Variants in SORCS3 observed in about 807,000 individuals in gnomAD.
SORCS3 encodes the protein VPS10 domain-containing receptor SorCS3.
A neutral mutation model predicts 146.3 loss-of-function variants in SORCS3; 57 were observed. That is an observed-to-expected ratio of 0.39 (90% CI 0.31 to 0.49). The LOEUF (loss-of-function observed/expected upper bound fraction) is 0.49, where lower values mean the gene tolerates loss of function less well. Among genes scored for constraint, SORCS3 ranks in the 20% least tolerant of loss-of-function variants. The probability of loss-of-function intolerance (pLI) is 0.92; values close to 1 mark genes in which losing one functional copy is unlikely to be tolerated. For synonymous variants in SORCS3, 653 were observed against 618.5 expected (o/e 1.06, Z -0.83); for missense variants, 1,341 against 1,575.5 (o/e 0.85, Z 2.52).
chr10:104,785,049 G>T (rs1410936427), intron 1 of SORCS3, among the ~76,000 whole-genome samples: 1 of 151,994 alleles, frequency 6.6e-6, no homozygotes, highest in Non-Finnish European at 1.5e-5. Flanking sequence ...CTCACCTCCC[G>T]GATGGGGCGG....
chr10:104,938,755 C>T (rs1029421607), intron 3 of SORCS3, among the ~76,000 whole-genome samples: 1 of 152,180 alleles, frequency 6.6e-6, no homozygotes, highest in African/African-American at 2.4e-5. Context: ...TTTCCCCATT[C>T]TTGTATGCAT....
At chr10:105,250,566 T>C (rs897589744) in intron 22 of SORCS3, among the ~76,000 whole-genome samples, 1 of 152,102 alleles carries the variant, frequency 6.6e-6, no homozygotes, top group Non-Finnish European at 1.5e-5. Context: ...ACATTGTTCT[T>C]TCCTGAGACA....
chr10:104,914,906 T>C (rs920055738), intron 2 of SORCS3, among the ~76,000 whole-genome samples: 4 of 151,676 alleles, frequency 2.6e-5, no homozygotes, highest in African/African-American at 9.7e-5. Flanking sequence ...AAGCTTGAGT[T>C]GGAGAAGTTT....
intron 1 of SORCS3, among the ~76,000 whole-genome samples, chr10:104,683,418 TA>T (rs1344368224): frequency 5.9e-5 from 9 of 152,326 alleles, no homozygotes; most frequent in Non-Finnish European, 7.4e-5. Context: ...AATTGTTCTT[TA>T]TGGGGAAGAT....
chr10:104,768,182 A>G (rs2017204365), intron 1 of SORCS3, among the ~76,000 whole-genome samples: 1 of 152,226 alleles, frequency 6.6e-6, no homozygotes, highest in African/African-American at 2.4e-5. Flanking sequence ...TTGAGCTCCA[A>G]AGTAAATGCA....
chr10:104,946,375 G>T (rs764788884), intron 3 of SORCS3, among the ~76,000 whole-genome samples: 4 of 152,154 alleles, frequency 2.6e-5, no homozygotes, highest in Non-Finnish European at 5.9e-5. Flanking sequence ...AGTCCCAGCA[G>T]ATTGCCTTCT....
At chr10:104,874,771 T>G (rs2018554023) in intron 2 of SORCS3, among the ~76,000 whole-genome samples, 1 of 152,148 alleles carries the variant, frequency 6.6e-6, no homozygotes, top group African/African-American at 2.4e-5. Context: ...ATCCCTGGCT[T>G]GCAGCTCTCT....
At chr10:104,915,486 G>T (rs544613271) in intron 2 of SORCS3, among the ~76,000 whole-genome samples, 55 of 127,666 alleles carry the variant, frequency 4.3e-4, no homozygotes, top group Middle Eastern at 4.9e-3. Context: ...GTGGGAACTT[G>T]TGTGCTTCCA....
intron 11 of SORCS3, among the ~76,000 whole-genome samples, chr10:105,163,993 G>A (rs2056290652): frequency 6.6e-6 from 1 of 151,856 alleles, no homozygotes; most frequent in African/African-American, 2.4e-5. Flanking sequence ...TTCCTTCAGG[G>A]GACACCTGTC....
chr10:105,234,012 C>T (rs12263804), intron 20 of SORCS3, among the ~76,000 whole-genome samples: 35,422 of 151,996 alleles, frequency 0.23, 4,085 homozygotes, highest in South Asian at 0.3. Flanking sequence ...AAGTTTCTGA[C>T]CTATATTTCC....
At chr10:105,016,153 A>ATTTTT (rs1242064422) in intron 4 of SORCS3, among the ~76,000 whole-genome samples, 39 of 101,424 alleles carry the variant, frequency 3.8e-4, no homozygotes, top group African/African-American at 1.5e-3. Flanking sequence ...ATATATATAT[A>ATTTTT]TATTTTTTTT....
At chr10:104,890,289 T>C (rs534053230) in intron 2 of SORCS3, among the ~76,000 whole-genome samples, 1 of 152,288 alleles carries the variant, frequency 6.6e-6, no homozygotes, top group Admixed American at 6.5e-5. Flanking sequence ...TTTTAGAGAC[T>C]CTGATTACAA....
At chr10:105,163,998 C>T (rs1361644843) in intron 11 of SORCS3, among the ~76,000 whole-genome samples, 2 of 152,048 alleles carry the variant, frequency 1.3e-5, no homozygotes, top group Non-Finnish European at 2.9e-5. Context: ...TCAGGGGACA[C>T]CTGTCAGGAG....
Position 105,175,214 on chromosome 10 carries a change from A to ATT in SORCS3, c.1902-2833_1902-2832dup, listed in dbSNP as rs71482448. 6.5e-3 allele frequency among the ~76,000 whole-genome samples: 869 copies of ATT among 134,630 alleles called. 11 individuals are homozygous for ATT. Among genetic ancestry groups the ATT allele is most frequent in the African/African-American group, 0.017 (599 of 36,004 alleles). The allele number at this position is 134,630 out of a possible 152,430, so 88.3% of individuals were successfully genotyped here. ...AGGCATGCGCCATCATGCTTGGCTA[A>ATT]TTTTTTTTTTTTTTTTTTTTGTATT... is the stretch of plus-strand genomic sequence containing the variant. On this transcript the variant is annotated intron_variant, in intron 13 of 26. Transcript: ENST00000369701.
At chr10:104,750,517 A>G (rs2016971458) in intron 1 of SORCS3, among the ~76,000 whole-genome samples, 1 of 152,206 alleles carries the variant, frequency 6.6e-6, no homozygotes, top group Admixed American at 6.5e-5. Flanking sequence ...CCTGCCCTCC[A>G]GTCTACCTAA....
At chr10:104,999,664 T>C (rs2055049229) in intron 4 of SORCS3, among the ~76,000 whole-genome samples, 1 of 152,104 alleles carries the variant, frequency 6.6e-6, no homozygotes, top group Admixed American at 6.6e-5. Context: ...CTACACCCCA[T>C]CATATAAGGG....
chr10:105,154,548 C>A (rs703489), intron 9 of SORCS3, among the ~76,000 whole-genome samples: 5 of 152,008 alleles, frequency 3.3e-5, no homozygotes, highest in East Asian at 1.9e-4. Flanking sequence ...TACCCTTCTC[C>A]CTGGACTGCT....
At chr10:104,703,147 T>C (rs2016299978) in intron 1 of SORCS3, among the ~76,000 whole-genome samples, 1 of 152,194 alleles carries the variant, frequency 6.6e-6, no homozygotes, top group Admixed American at 6.5e-5. Flanking sequence ...ATTAAGAAGT[T>C]GAAGTCTCAA....
intron 20 of SORCS3, among the ~76,000 whole-genome samples, chr10:105,240,666 G>T (rs1564792732): frequency 1.3e-5 from 2 of 151,982 alleles, no homozygotes; most frequent in African/African-American, 4.8e-5. Context: ...TTAGCCCTGT[G>T]GGGGTATAAA....
Sources: gnomAD v4.1 joint callset for allele counts (sites outside exome capture counted in the v4.1 genomes callset) on GRCh38, gnomAD v4.1.1 for gene constraint, MANE v1.5 for transcripts, NCBI Gene and HGNC (gene_info 2026-07-23, HGNC 2026-07-21) for gene names.